The following DNAJB13 variants were observed in gnomAD, a reference collection of about 807,000 sequenced individuals.
DNAJB13 encodes DnaJ heat shock protein family (Hsp40) member B13.
A neutral mutation model predicts 35.6 loss-of-function variants in DNAJB13; 22 were observed. That is an observed-to-expected ratio of 0.62 (90% confidence interval 0.44 to 0.88). The LOEUF is 0.88. Ranked by LOEUF, DNAJB13 falls within the 40% of genes least tolerant of loss-of-function variation. The pLI is 0.00. For synonymous variants in DNAJB13, 136 were observed against 144.2 expected, an observed-to-expected ratio of 0.94 and a Z score of 0.41; for missense variants, 370 against 384.3, an observed-to-expected ratio of 0.96 and a Z score of 0.31.
rs149369852 is a variant in DNAJB13 at position 73,958,329 on chromosome 11, C to T, written c.81C>T (p.Leu27=). The T allele has an allele frequency of 5.0e-6, 8 of 1,614,018 alleles. No individual in the cohort carries two copies. The highest frequency in any genetic ancestry group is 5.9e-6 in the Non-Finnish European group (7 of 1,180,026). Reference sequence around the variant, plus strand: ...CTCCCTCTTCCAGGTACCGCAGACTCGCCCTTAAGCACCACCCGTTGAAGT... The same window carrying T: ...CTCCCTCTTCCAGGTACCGCAGACTTGCCCTTAAGCACCACCCGTTGAAGT... ...DAQIKQAYRR[L]ALKHHPLKSN... is the part of the protein sequence containing the mutation. The change falls in exon 2 of 8, where the codon CTC becomes CTT. Residue 27 remains leucine (L), a synonymous_variant. Coordinates refer to ENST00000339764, the MANE Select transcript of DNAJB13 (RefSeq NM_153614.4).
intron 6 of DNAJB13, among the ~76,000 whole-genome samples, chr11:73,968,879 G>A (rs1412797730): frequency 1.3e-5 from 2 of 152,066 alleles, no homozygotes; most frequent in East Asian, 1.9e-4. Flanking sequence ...ATTTCTGCTG[G>A]GCCCTCTCCC....
intron 5 of DNAJB13, among the ~76,000 whole-genome samples, chr11:73,966,492 T>C (rs1389830800): frequency 2.0e-5 from 3 of 151,748 alleles, no homozygotes; most frequent in South Asian, 2.1e-4. Context: ...TTTTACAGAG[T>C]GGGAAATGGG....
At chr11:73,953,059 C>T (rs1241163437) in intron 1 of DNAJB13, among the ~76,000 whole-genome samples, 1 of 152,128 alleles carries the variant, frequency 6.6e-6, no homozygotes, top group Non-Finnish European at 1.5e-5. Context: ...GACCCTGTCT[C>T]TACAGAAAAT....
rs771441391 is a variant in DNAJB13, at chr11:73,958,281, A to G, written c.69-36A>G. 14 of 1,606,434 alleles carry G rather than the reference A, an allele frequency of 8.7e-6. No individual in the cohort carries two copies. The South Asian group carries it at 1.1e-4, about 13-fold the overall frequency. ...TCTGGTCCGCCCTCAGAAACAGACC[A>G]GCTGATAAGACTTGTATTAATTCTC... On this transcript the variant is annotated intron_variant, in intron 1 of 7. Transcript: ENST00000339764.
Position 73,966,226 on chromosome 11 carries a change from T to C in DNAJB13, c.581T>C (p.Ile194Thr), listed in dbSNP as rs1951111565. 12 of 1,613,260 alleles carry C rather than the reference T, an allele frequency of 7.4e-6. No individual in the cohort carries two copies. The highest frequency in any genetic ancestry group is 2.7e-5 in the African/African-American group (2 of 74,860). ...CCCGGTTGGAGGCAGGGCACACGCA[T>C]CACCTTTGAGAAGGAAGGGGACCAG... ...VKPGWRQGTR[I>T]TFEKEGDQGP... Residue 194 changes from isoleucine (I) to threonine (T), a missense_variant, in exon 5 of 8, where the codon ATC (isoleucine) becomes ACC (threonine). By Grantham distance (89) the Ile-to-Thr change is moderately conservative. Coordinates refer to ENST00000339764, the MANE Select transcript of DNAJB13 (RefSeq NM_153614.4).
intron 3 of DNAJB13, among the ~76,000 whole-genome samples, chr11:73,961,416 A>C (rs997885469): frequency 1.3e-5 from 2 of 152,236 alleles, no homozygotes; most frequent in African/African-American, 4.8e-5. Flanking sequence ...TCTCTGCCAC[A>C]GTCACAAAGA....
At chr11:73,959,858 G>T (rs566171578) in intron 3 of DNAJB13, 2 of 368,140 alleles carry the variant, frequency 5.4e-6, no homozygotes, top group South Asian at 1.7e-4. Context: ...TGCCTCCCGG[G>T]TTCAAATGAT....
At chr11:73,953,859 G>A (rs1236606154) in intron 1 of DNAJB13, among the ~76,000 whole-genome samples, 1 of 151,762 alleles carries the variant, frequency 6.6e-6, no homozygotes, top group African/African-American at 2.4e-5. Context: ...AATTAGCCGG[G>A]CACCTGTAGT....
At chr11:73,954,982 GT>G (rs1213639490) in intron 1 of DNAJB13, among the ~76,000 whole-genome samples, 15 of 151,846 alleles carry the variant, frequency 9.9e-5, no homozygotes, top group Non-Finnish European at 2.2e-4. Flanking sequence ...AATAAATAGA[GT>G]GATTAAAAGA....
rs761695344 is a variant in DNAJB13, at chr11:73,964,800, T to TGCGC, written c.335-77_335-76insCGCG. ...GTGTGTGTGTGTGTGTGTGTGTGTG[T>TGCGC]GTGTGTGTGTGTGCGCGCGCGCGCA... On this transcript the variant is annotated intron_variant, in intron 3 of 7. Coordinates refer to ENST00000339764, the MANE Select transcript of DNAJB13 (RefSeq NM_153614.4). 28 of 1,021,992 alleles carry TGCGC rather than the reference T, an allele frequency of 2.7e-5. No homozygotes were observed. In the Admixed American group the frequency reaches 4.4e-4, roughly 16 times the overall value. The allele number at this position is 1,021,992 out of a possible 1,614,324, so 63.3% of individuals were successfully genotyped here.
intron 4 of DNAJB13, 166 bp from the exon 5 acceptor site, chr11:73,965,972 C>G (rs1349091813): frequency 3.1e-6 from 2 of 651,078 alleles, no homozygotes; most frequent in Non-Finnish European, 5.4e-6. Context: ...CTCCCCATTG[C>G]TGGAGGCTCT....
At chr11:73,965,268 T>C in intron 4 of DNAJB13, 1 of 403,966 alleles carries the variant, frequency 2.5e-6, no homozygotes, top group Admixed American at 4.2e-5. Context: ...CCTTCCCAAC[T>C]GGGACAGGCT....
intron 3 of DNAJB13, among the ~76,000 whole-genome samples, chr11:73,963,413 C>CCT (rs2135322249): frequency 6.6e-6 from 1 of 152,038 alleles, no homozygotes; most frequent in Admixed American, 6.6e-5. Context: ...ATACAGTGGA[C>CCT]CTTGCCTCCC....
At chr11:73,964,080 A>T (rs572685229) in intron 3 of DNAJB13, 44 of 152,318 alleles carry the variant, frequency 2.9e-4, no homozygotes, top group African/African-American at 1.1e-3. Flanking sequence ...TTAGCTCTTC[A>T]TCTTAATGGT....
rs1190240563 is a variant in DNAJB13 at position 73,951,084 on chromosome 11, T to G, written c.15T>G (p.Tyr5Ter). 1 of 1,613,974 alleles carries G rather than the reference T, an allele frequency of 6.2e-7. No homozygotes were observed. Among genetic ancestry groups the G allele is most frequent in the African/African-American group, 1.3e-5 (1 of 74,934 alleles). ...GCTAGCCAGCCATGGGCCAGGATTA[T>G]TACTCTGTGCTCGGGATCACTCGCA... MGQD[Y>*]YSVLGITRNS... Residue 5 changes from tyrosine (Y) to a stop codon, truncating the protein, a stop_gained, in exon 1 of 8, where the codon TAT becomes TAG. Transcript: ENST00000339764. LOFTEE classifies it high-confidence loss of function.
chr11:73,954,638 AAAAT>A (rs1425798594), intron 1 of DNAJB13, among the ~76,000 whole-genome samples: 7 of 129,578 alleles, frequency 5.4e-5, no homozygotes, highest in South Asian at 2.8e-4. Context: ...TCAAAAAAAA[AAAAT>A]AAAATAAATA....
chr11:73,969,264 G>C lies in DNAJB13; in HGVS notation c.739G>C (p.Val247Leu). 1 of 872,548 alleles carries C rather than the reference G, an allele frequency of 1.1e-6. No individual in the cohort carries two copies. Among genetic ancestry groups the C allele is most frequent in the Non-Finnish European group, 2.0e-6 (1 of 501,510 alleles). 54.1% of individuals were successfully genotyped at this position (872,548 alleles called of 1,614,324 possible). A position where few individuals can be genotyped will look rare whatever the true frequency, so the allele number is the denominator to read the frequency against. The change falls in exon 7 of 8, where the codon GTG (valine) becomes CTG (leucine). Residue 247 changes from valine (V) to leucine (L), a missense_variant. Transcript: ENST00000339764. ...TCCCTAGGCTCTCACCTGCTGCACT[G>C]TGGAGGTGAGGACCCTAGATGACCG... is the stretch of plus-strand genomic sequence containing the variant. ...PLGKALTCCT[V>L]EVRTLDDRLL...
Position 73,968,377 on chromosome 11 carries a change from C to G in DNAJB13, c.639C>G (p.Phe213Leu). The G allele has an allele frequency of 6.2e-7, 1 of 1,614,176 alleles. No homozygotes were observed. The highest frequency in any genetic ancestry group is 8.5e-7 in the Non-Finnish European group (1 of 1,180,036). ...GPNIIPADII[F>L]IVKEKLHPRF... The stretch of plus-strand genomic sequence containing the variant: ...ACATCATCCCAGCAGACATCATTTT[C>G]ATCGTAAAGGAGAAGCTACACCCTC... The change falls in exon 6 of 8, where the codon TTC becomes TTG. Residue 213 changes from phenylalanine to leucine, a missense_variant. By Grantham distance (22) the Phe-to-Leu change is conservative. Transcript: ENST00000339764.
intron 5 of DNAJB13, chr11:73,967,883 G>A (rs1686467309): frequency 9.5e-6 from 2 of 211,374 alleles, no homozygotes; most frequent in Admixed American, 1.2e-4. Flanking sequence ...CATGTCTTGA[G>A]CGTGCTGAGG....
Sources: allele counts gnomAD v4.1 joint callset (sites outside exome capture counted in the v4.1 genomes callset), GRCh38; gene constraint gnomAD v4.1.1; transcripts MANE v1.5; gene names NCBI Gene and HGNC (gene_info 2026-07-23, HGNC 2026-07-21).